Variants in COG4 observed in about 807,000 individuals in gnomAD.
COG4 encodes conserved oligomeric Golgi complex subunit 4.
Under a neutral mutation model 95.1 loss-of-function variants are expected in COG4, and 65 were observed. That is an observed-to-expected ratio of 0.68 (90% CI 0.56 to 0.84). The LOEUF is 0.84. Among genes scored for constraint, COG4 ranks in the 40% least tolerant of loss-of-function variants. The pLI is 0.00. For synonymous variants in COG4, 421 were observed against 374.8 expected (o/e 1.12, Z -1.42); for missense variants, 1,045 against 989.1 (o/e 1.06, Z -0.76).
intron 1 of COG4, among the ~76,000 whole-genome samples, chr16:70,520,040 CA>C (rs1253539561): frequency 6.6e-6 from 1 of 152,100 alleles, no homozygotes; most frequent in African/African-American, 2.4e-5. Flanking sequence ...CACTGGATCC[CA>C]AAGTAATCCC....
In COG4 at chr16:70,512,348, G is replaced by A. The variant is rs758428491; in HGVS notation, c.629C>T (p.Ala210Val). 8 of 1,614,104 alleles carry A rather than the reference G, an allele frequency of 5.0e-6. No individual in the cohort carries two copies. The South Asian group carries it at 6.6e-5, about 13-fold the overall frequency. ...CTGGGGCAGATCACCTTCCTTGGTG[G>A]CAATGGCAAACTTCTCTGCCACAAT... ...KAIVAEKFAI[A>V]TKEGDLPQVE... The change falls in exon 5 of 19, where the codon GCC (alanine) becomes GTC (valine). Residue 210 changes from alanine to valine, a missense_variant. By Grantham distance (64) the Ala-to-Val change is moderately conservative (BLOSUM62 0). Coordinates refer to ENST00000323786, the MANE Select transcript of COG4 (RefSeq NM_015386.3).
intron 3 of COG4, 34 bp from the exon 4 acceptor site, chr16:70,514,543 C>A (rs1229928160): frequency 6.2e-7 from 1 of 1,603,482 alleles, no homozygotes; most frequent in Admixed American, 1.7e-5. Flanking sequence ...AAACAATGTC[C>A]TATTCTTTCA....
intron 10 of COG4, 110 bp downstream of exon 10, chr16:70,497,827 A>G (rs1010727972): frequency 5.1e-6 from 4 of 789,824 alleles, no homozygotes; most frequent in African/African-American, 3.4e-5. Context: ...TCTGCATGCA[A>G]GAGTATTCTC....
chr16:70,506,937 C>A (rs1597679380), intron 8 of COG4, among the ~76,000 whole-genome samples: 1 of 152,066 alleles, frequency 6.6e-6, no homozygotes, highest in East Asian at 1.9e-4. Flanking sequence ...CTGGGCTGGG[C>A]ATGGTGGCTC....
At chr16:70,523,340 C>T in intron 1 of COG4, 33 bp downstream of exon 1, 3 of 1,613,552 alleles carry the variant, frequency 1.9e-6, no homozygotes, top group Non-Finnish European at 2.5e-6. Flanking sequence ...CTCCCTAGAT[C>T]CTCCATGAAA....
intron 4 of COG4, 127 bp downstream of exon 4, chr16:70,514,206 CAA>C: frequency 2.1e-6 from 2 of 934,976 alleles, no homozygotes; most frequent in Non-Finnish European, 3.3e-6. Flanking sequence ...GACTCCGTCT[CAA>C]AAAAAAAGAA....
chr16:70,507,545 A>T (rs2049603873), intron 8 of COG4, among the ~76,000 whole-genome samples: 1 of 152,064 alleles, frequency 6.6e-6, no homozygotes, highest in Non-Finnish European at 1.5e-5. Flanking sequence ...GAAATCGTCT[A>T]ATGATGTATT....
rs542338317 is a variant in COG4, at chr16:70,498,043, C to T, written c.1208G>A (p.Cys403Tyr). 14 of 1,609,934 alleles carry T rather than the reference C, an allele frequency of 8.7e-6. No homozygotes were observed. In the African/African-American group the frequency reaches 9.3e-5, roughly 11 times the overall value. ...GCAGTTATTGAGGAGTTTGTCCAGA[C>T]ACTTCTGGTGCTCTAGGGGACAGCC... ...SEEVKQEHQK[C>Y]LDKLLNNCLL... is the part of the protein sequence containing the mutation. Residue 403 changes from cysteine to tyrosine, a missense_variant, in exon 10 of 19, where the codon TGT (cysteine) becomes TAT (tyrosine). Coordinates refer to ENST00000323786, the MANE Select transcript of COG4 (RefSeq NM_015386.3).
At chr16:70,506,241 C>G (rs1322946246) in intron 8 of COG4, among the ~76,000 whole-genome samples, 1 of 138,676 alleles carries the variant, frequency 7.2e-6, no homozygotes, top group Non-Finnish European at 1.6e-5. Flanking sequence ...ACTAAAAATA[C>G]AAAAAAAAAA....
chr16:70,482,464 A>T, intron 15 of COG4: 1 of 605,446 alleles, frequency 1.7e-6, no homozygotes, highest in South Asian at 2.0e-5. Flanking sequence ...GAGGAAAAAA[A>T]CGCTTCTAAG....
intron 1 of COG4, among the ~76,000 whole-genome samples, chr16:70,520,121 T>C (rs1359257469): frequency 2.0e-5 from 3 of 151,734 alleles, no homozygotes; most frequent in Non-Finnish European, 4.4e-5. Context: ...GGCCACATGG[T>C]GAAACCCCAT....
intron 2 of COG4, among the ~76,000 whole-genome samples, 182 bp from the exon 3 acceptor site, chr16:70,517,922 G>C (rs1367714135): frequency 1.3e-5 from 2 of 150,578 alleles, no homozygotes; most frequent in Non-Finnish European, 2.9e-5. Context: ...ACCTATACCT[G>C]ATAAAAAATT....
At chr16:70,495,993 C>T (rs578069832) in intron 12 of COG4, among the ~76,000 whole-genome samples, 21 of 152,328 alleles carry the variant, frequency 1.4e-4, no homozygotes, top group Non-Finnish European at 2.4e-4. Context: ...CAGTGGGCTC[C>T]TGAGCAGCTG....
rs1567390485 is a variant in COG4, at chr16:70,509,908, A to G, written c.844+8T>C. 5 of 1,607,882 alleles carry G rather than the reference A, an allele frequency of 3.1e-6. No individual in the cohort carries two copies. The highest frequency in any genetic ancestry group is 4.3e-6 in the Non-Finnish European group (5 of 1,174,314). On this transcript the variant is annotated splice_region_variant and intron_variant, in intron 6 of 18. Transcript: ENST00000323786. ...TCCAGTCTCTCTAGAGCGGAGAAAG[A>G]GGCTCACCTTCAAACAGAAGAGTAA...
chr16:70,505,925 C>A (rs1048172199), intron 8 of COG4, among the ~76,000 whole-genome samples: 3 of 149,374 alleles, frequency 2.0e-5, no homozygotes, highest in African/African-American at 7.4e-5. Context: ...CAGGGGGAAT[C>A]ACTTGAGATC....
rs528021189 is a variant in COG4 at position 70,480,784 on chromosome 16, A to G, written c.*226T>C. On this transcript the variant is annotated 3_prime_UTR_variant, in exon 19 of 19. Transcript: ENST00000323786. Reference sequence around the variant, plus strand: ...GCCGTGGCTTTCCCACCTCATTAGGAGCCCGCTTCTCTCGGTGGGGAGATG... The same window carrying G: ...GCCGTGGCTTTCCCACCTCATTAGGGGCCCGCTTCTCTCGGTGGGGAGATG... 2 of 570,176 alleles carry G rather than the reference A, an allele frequency of 3.5e-6. No individual in the cohort carries two copies. The highest frequency in any genetic ancestry group is 3.1e-5 in the Admixed American group (1 of 31,922). 35.3% of individuals were successfully genotyped at this position (570,176 alleles called of 1,614,324 possible). A position where few individuals can be genotyped will look rare whatever the true frequency, so the allele number is the denominator to read the frequency against.
chr16:70,502,159 G>A (rs1275664784), intron 8 of COG4, among the ~76,000 whole-genome samples: 1 of 151,734 alleles, frequency 6.6e-6, no homozygotes, highest in African/African-American at 2.4e-5. Context: ...GCGCATGCCT[G>A]TAGTCCCAGC....
chr16:70,492,238 T>A (rs946292978), intron 12 of COG4, among the ~76,000 whole-genome samples: 1 of 152,226 alleles, frequency 6.6e-6, no homozygotes, highest in Admixed American at 6.5e-5. Flanking sequence ...CTGTATCCTA[T>A]ATAATATCCT....
chr16:70,484,728 G>A (rs2049092138), intron 13 of COG4, among the ~76,000 whole-genome samples: 2 of 152,060 alleles, frequency 1.3e-5, no homozygotes, highest in African/African-American at 4.8e-5. Context: ...GTGAGAAGCC[G>A]TCTCCACAGA....
Sources: gnomAD v4.1 joint callset for allele counts (sites outside exome capture counted in the v4.1 genomes callset) on GRCh38, gnomAD v4.1.1 for gene constraint, MANE v1.5 for transcripts, NCBI Gene and HGNC (gene_info 2026-07-23, HGNC 2026-07-21) for gene names.